NEXN: variants seen among roughly 807,000 people sequenced by gnomAD.
NEXN encodes nexilin F-actin binding protein.
In NEXN, 65 loss-of-function variants were observed where a neutral mutation model predicts 92.6. The observed-to-expected ratio is 0.70, with a 90% CI of 0.57 to 0.86. NEXN has a LOEUF of 0.86. NEXN is among the 40% of genes least tolerant of loss of function. NEXN has a pLI of 0.00. For synonymous variants in NEXN, 254 were observed against 242.5 expected (o/e 1.05, Z -0.44); for missense variants, 778 against 771.1 (o/e 1.01, Z -0.11).
rs1060502321 is a variant in NEXN at position 77,942,653 on chromosome 1, G to A, written c.1852G>A (p.Glu618Lys). ...CAAACCAGAAATTACATGGTGGTTT[G>A]AAGGAGAAATACTGCAGGATGGAGA... is the stretch of plus-strand genomic sequence containing the variant. Reference protein sequence around the residue: ...EPKPEITWWFEGEILQDGEDY... With the variant: ...EPKPEITWWFKGEILQDGEDY... Residue 618 changes from glutamate to lysine, a missense_variant, in exon 13 of 13, where the codon GAA (glutamate) becomes AAA (lysine). Around this residue, in one of 3 missense-constraint regions of NEXN, gnomAD observed 532 missense variants for 476.7 expected, o/e 1.12. Transcript: ENST00000334785. The A allele has an allele frequency of 6.2e-7, 1 of 1,613,816 alleles. No individual in the cohort carries two copies.
At chr1:77,916,218 A>C in intron 2 of NEXN, 85 bp downstream of exon 2, 1 of 1,064,720 alleles carries the variant, frequency 9.4e-7, no homozygotes, top group Non-Finnish European at 1.4e-6. Flanking sequence ...CATTTGGTGG[A>C]AAGGTCATAT....
rs1057523025 is a variant in NEXN at position 77,942,691 on chromosome 1, T to C, written c.1890T>C (p.Tyr630=). Residue 630 remains tyrosine, a synonymous_variant, in exon 13 of 13, where the codon TAT becomes TAC. Coordinates refer to ENST00000334785, the MANE Select transcript of NEXN (RefSeq NM_144573.4). ...TGCAGGATGGAGAAGACTATCAATA[T>C]ATTGAAAGGGGAGAAACTTACTGCC... ...EILQDGEDYQ[Y]IERGETYCLY... 6.2e-7 allele frequency: 1 copy of C among 1,613,778 alleles called. No individual in the cohort carries two copies. Among genetic ancestry groups the C allele is most frequent in the Non-Finnish European group, 8.5e-7 (1 of 1,179,724 alleles).
intron 1 of NEXN, among the ~76,000 whole-genome samples, chr1:77,909,702 C>T: frequency 6.6e-6 from 1 of 152,148 alleles, no homozygotes; most frequent in East Asian, 1.9e-4. Flanking sequence ...GTCCCATCCT[C>T]TCCCCCATTA....
chr1:77,929,288 C>A, intron 8 of NEXN, 28 bp from the exon 9 acceptor site: 1 of 1,458,156 alleles, frequency 6.9e-7, no homozygotes, highest in Non-Finnish European at 9.6e-7. Flanking sequence ...AACCTCAATT[C>A]TTAGTAATGA....
chr1:77,942,183 G>A lies in NEXN; in HGVS notation c.1634G>A (p.Arg545Lys), dbSNP rs773258784. ...TTACTACGCATGCAGTTTGAACAAAGGGAAATTGATGCAGCACTACAAAAG... is the reference window on the plus strand; with the variant it reads ...TTACTACGCATGCAGTTTGAACAAAAGGAAATTGATGCAGCACTACAAAAG... ...QKLLRMQFEQ[R>K]EIDAALQKKR... Residue 545 changes from arginine (R) to lysine (K), a missense_variant, in exon 12 of 13, where the codon AGG becomes AAG. Coordinates refer to ENST00000334785, the MANE Select transcript of NEXN (RefSeq NM_144573.4). 1.2e-6 allele frequency: 2 copies of A among 1,613,714 alleles called. No homozygotes were observed. The highest frequency in any genetic ancestry group is 1.7e-6 in the Non-Finnish European group (2 of 1,179,718).
At chr1:77,891,599 C>T (rs1647106367) in intron 1 of NEXN, among the ~76,000 whole-genome samples, 1 of 152,052 alleles carries the variant, frequency 6.6e-6, no homozygotes, top group Non-Finnish European at 1.5e-5. Flanking sequence ...TCTTCCCCTT[C>T]ACTCTTTCTG....
intron 1 of NEXN, among the ~76,000 whole-genome samples, chr1:77,899,193 A>C (rs757057016): frequency 6.6e-6 from 1 of 152,158 alleles, no homozygotes; most frequent in Non-Finnish European, 1.5e-5. Context: ...ATGCTGCTAT[A>C]AAGACACATG....
intron 1 of NEXN, among the ~76,000 whole-genome samples, chr1:77,910,675 C>T (rs1004342717): frequency 1.4e-5 from 2 of 142,880 alleles, no homozygotes; most frequent in Admixed American, 7.5e-5. Flanking sequence ...CACTTGAACC[C>T]GAGAGGTGGA....
rs1256167264 is a variant in NEXN at position 77,942,221 on chromosome 1, T to C, written c.1659+13T>C. On this transcript the variant is annotated intron_variant, in intron 12 of 12. Coordinates refer to ENST00000334785, the MANE Select transcript of NEXN (RefSeq NM_144573.4). ...AGCACTACAAAAGGTACCAGGCTTA[T>C]GTATCCTTTATTTTCCAAAGATGCC... is the stretch of plus-strand genomic sequence containing the variant. 1.9e-6 allele frequency: 3 copies of C among 1,612,686 alleles called. No individual in the cohort carries two copies. Among genetic ancestry groups the C allele is most frequent in the East Asian group, 2.2e-5 (1 of 44,862 alleles).
In NEXN at chr1:77,918,399, T is replaced by A. The variant is rs572791060; in HGVS notation, c.447+126T>A. The A allele has an allele frequency of 1.0e-5, 11 of 1,102,714 alleles. No homozygotes were observed. In the African/African-American group the frequency reaches 1.7e-4, roughly 17 times the overall value. The allele number at this position is 1,102,714 out of a possible 1,614,324, so 68.3% of individuals were successfully genotyped here. A position where few individuals can be genotyped will look rare whatever the true frequency, so the allele number is the denominator to read the frequency against. ...ACCTATTAAAAAGCAGCTAACCGTC[T>A]GGGAATGGTGGCTCACCTCTGTAAT... On this transcript the variant is annotated intron_variant, in intron 5 of 12. Coordinates refer to ENST00000334785, the MANE Select transcript of NEXN (RefSeq NM_144573.4).
intron 1 of NEXN, among the ~76,000 whole-genome samples, chr1:77,911,586 C>G (rs1231409822): frequency 6.6e-6 from 1 of 151,026 alleles, no homozygotes; most frequent in Non-Finnish European, 1.5e-5. Context: ...GAGCAAGACT[C>G]CATCTCAAAA....
chr1:77,908,740 G>A (rs1342194157), intron 1 of NEXN, among the ~76,000 whole-genome samples: 1 of 152,112 alleles, frequency 6.6e-6, no homozygotes. Context: ...GGAAAGATAG[G>A]TTTTTTCCTA....
intron 1 of NEXN, 95 bp from the exon 2 acceptor site, chr1:77,915,951 GTCAGTATTT>G: frequency 7.1e-6 from 2 of 282,546 alleles, no homozygotes; most frequent in Non-Finnish European, 1.3e-5. Flanking sequence ...CTTGAATCAT[GTCAGTATTT>G]TTTGAGGGGC....
chr1:77,939,035 G>A (rs1157194914), intron 11 of NEXN, among the ~76,000 whole-genome samples: 2 of 152,068 alleles, frequency 1.3e-5, no homozygotes, highest in South Asian at 2.1e-4. Flanking sequence ...AAGAATTCTG[G>A]GACCATGGAG....
chr1:77,930,914 C>G (rs1435879777), intron 9 of NEXN, among the ~76,000 whole-genome samples: 2 of 152,224 alleles, frequency 1.3e-5, no homozygotes, highest in African/African-American at 4.8e-5. Flanking sequence ...GAGGCCAAGA[C>G]TGTTCATCAA....
At chr1:77,896,281 G>A (rs1647251571) in intron 1 of NEXN, among the ~76,000 whole-genome samples, 2 of 152,066 alleles carry the variant, frequency 1.3e-5, no homozygotes, top group Non-Finnish European at 1.5e-5. Context: ...TCCAGTTAAT[G>A]GTAACCCTGT....
chr1:77,943,698 A>G lies in NEXN; in HGVS notation c.*869A>G, dbSNP rs1651608182. The G allele has an allele frequency of 6.6e-6, 1 of 152,100 alleles. No homozygotes were observed. The highest frequency in any genetic ancestry group is 2.4e-5 in the African/African-American group (1 of 41,466). The allele number at this position is 152,100 out of a possible 1,614,324, so 9.4% of individuals were successfully genotyped here. On this transcript the variant is annotated 3_prime_UTR_variant, in exon 13 of 13. Coordinates refer to ENST00000334785, the MANE Select transcript of NEXN (RefSeq NM_144573.4). ...ACGCAAGAGAAAACACTTTCAACAT[A>G]GTCGAAGGCTTCAAGATCTAAGTGT...
chr1:77,894,860 C>T (rs1159077622), intron 1 of NEXN, among the ~76,000 whole-genome samples: 2 of 151,552 alleles, frequency 1.3e-5, no homozygotes, highest in African/African-American at 4.9e-5. Context: ...GGACTACAGG[C>T]GCACACCACC....
intron 10 of NEXN, 54 bp from the exon 11 acceptor site, chr1:77,935,769 A>G (rs1364850706): frequency 9.2e-6 from 14 of 1,517,242 alleles, no homozygotes; most frequent in Non-Finnish European, 1.3e-5. Context: ...CCTTGGCAAC[A>G]TAGTGAGACT....
Sources: gnomAD v4.1 joint callset for allele counts (sites outside exome capture counted in the v4.1 genomes callset) on GRCh38, gnomAD v4.1.1 for gene constraint, gnomAD v4.1.1 regional missense constraint, MANE v1.5 for transcripts, NCBI Gene and HGNC (gene_info 2026-07-23, HGNC 2026-07-21) for gene names.